Variants in METTL5 observed in about 807,000 individuals in gnomAD.
METTL5 encodes rRNA N(6)-adenosine-methyltransferase METTL5.
Under a neutral mutation model 26.5 loss-of-function variants are expected in METTL5, and 28 were observed. That is an observed-to-expected ratio of 1.06 (90% CI 0.78 to 1.45). The LOEUF (loss-of-function observed/expected upper bound fraction) is 1.45. METTL5 is among the 40% of genes most tolerant of loss of function. METTL5 has a pLI of 0.00. For missense variants in METTL5, 231 were observed against 249.9 expected, an observed-to-expected ratio of 0.92 and a Z score of 0.51; for synonymous variants, 86 against 82.6, an observed-to-expected ratio of 1.04 and a Z score of -0.22.
chr2:169,824,397 C>T, intron 1 of METTL5, 92 bp downstream of exon 1: 2 of 1,032,810 alleles, frequency 1.9e-6, no homozygotes, highest in Non-Finnish European at 3.0e-6. Context: ...TTTCTCTAGA[C>T]ATTCTCTGTA....
intron 4 of METTL5, among the ~76,000 whole-genome samples, chr2:169,818,960 CA>C (rs2081546302): frequency 6.6e-6 from 1 of 152,142 alleles, no homozygotes; most frequent in Non-Finnish European, 1.5e-5. Flanking sequence ...ACCAAGAAAA[CA>C]GCTGGGAGGC....
At chr2:169,821,352 T>G in intron 2 of METTL5, 79 bp from the exon 3 acceptor site, 1 of 1,064,244 alleles carries the variant, frequency 9.4e-7, no homozygotes, top group African/African-American at 1.6e-5. Context: ...GCTGTTTTTT[T>G]TTTAAACCAT....
At chr2:169,819,459 G>C (rs973062203) in intron 4 of METTL5, 102 bp downstream of exon 4, 1 of 802,242 alleles carries the variant, frequency 1.2e-6, no homozygotes, top group Non-Finnish European at 1.9e-6. Flanking sequence ...AAATGGTCAG[G>C]AGAAATAGAT....
chr2:169,816,632 A>G (rs2105715428), intron 4 of METTL5, among the ~76,000 whole-genome samples: 1 of 152,296 alleles, frequency 6.6e-6, no homozygotes, highest in Middle Eastern at 3.4e-3. Flanking sequence ...GAGGCCTCAG[A>G]AATAACACCA....
At chr2:169,817,845 C>G (rs1270662654) in intron 4 of METTL5, among the ~76,000 whole-genome samples, 1 of 152,078 alleles carries the variant, frequency 6.6e-6, no homozygotes, top group African/African-American at 2.4e-5. Context: ...AGCAAACCAA[C>G]ATGGCACATG....
chr2:169,812,025 ACT>A lies in METTL5; in HGVS notation c.592-169_592-168del, dbSNP rs985601423. On this transcript the variant is annotated intron_variant, in intron 6 of 6. Transcript: ENST00000260953. ...GTAATATGAGAATGTATTAGTACAA[ACT>A]AACTAATAAAATATATACTATATGA... 2.1e-5 allele frequency: 16 copies of A among 747,040 alleles called. No homozygotes were observed. In the African/African-American group the frequency reaches 2.8e-4, roughly 13 times the overall value. 46.3% of individuals were successfully genotyped at this position (747,040 alleles called of 1,614,324 possible).
chr2:169,821,294 C>A, intron 2 of METTL5, 21 bp from the exon 3 acceptor site: 1 of 1,530,314 alleles, frequency 6.5e-7, no homozygotes, highest in East Asian at 2.4e-5. Flanking sequence ...AAAACACATA[C>A]AAAGAGTGGC....
chr2:169,812,406 C>T, intron 6 of METTL5, 51 bp downstream of exon 6: 3 of 1,613,312 alleles, frequency 1.9e-6, no homozygotes, highest in Non-Finnish European at 2.5e-6. Context: ...ACATCCGGCC[C>T]AGAAAGCTTT....
At chr2:169,819,137 A>G (rs1263007490) in intron 4 of METTL5, among the ~76,000 whole-genome samples, 3 of 152,216 alleles carry the variant, frequency 2.0e-5, no homozygotes, top group Non-Finnish European at 4.4e-5. Flanking sequence ...AAGTAAGAAT[A>G]GGTGATTTCT....
intron 4 of METTL5, among the ~76,000 whole-genome samples, chr2:169,815,830 A>AT (rs1427932702): frequency 6.6e-6 from 1 of 152,226 alleles, no homozygotes; most frequent in African/African-American, 2.4e-5. Flanking sequence ...AAAATTATAA[A>AT]TGGAGCTGAA....
intron 5 of METTL5, among the ~76,000 whole-genome samples, chr2:169,815,039 G>A (rs1453622133): frequency 1.3e-5 from 2 of 151,942 alleles, no homozygotes; most frequent in Non-Finnish European, 2.9e-5. Context: ...TTACACGTGT[G>A]CGCCACCATG....
At position 169,812,496 on chromosome 2, in the gene METTL5, A is replaced by G; in HGVS notation, c.552T>C (p.Tyr184=). 6.2e-7 allele frequency: 1 copy of G among 1,613,796 alleles called. No individual in the cohort carries two copies. Among genetic ancestry groups the G allele is most frequent in the Non-Finnish European group, 8.5e-7 (1 of 1,179,924 alleles). The change falls in exon 6 of 7, where the codon TAT becomes TAC. Residue 184 remains tyrosine (Y), a synonymous_variant. Transcript: ENST00000260953. ...IKIDIIAELR[Y]DLPASYKFHK... ...GAAACTTGTATGATGCTGGCAGGTC[A>G]TATCGAAGTTCTGTAAAACAAAAGC...
At chr2:169,824,464 G>A (rs758429042) in intron 1 of METTL5, 25 bp downstream of exon 1, 20 of 1,531,996 alleles carry the variant, frequency 1.3e-5, no homozygotes, top group Non-Finnish European at 1.8e-5. Flanking sequence ...CCGAAAGCCG[G>A]GGCGTGGTGA....
intron 4 of METTL5, among the ~76,000 whole-genome samples, chr2:169,816,499 A>C (rs969778166): frequency 6.6e-6 from 1 of 152,230 alleles, no homozygotes; most frequent in Non-Finnish European, 1.5e-5. Flanking sequence ...GACAATCCTA[A>C]GCAAAAAGAA....
intron 5 of METTL5, among the ~76,000 whole-genome samples, chr2:169,813,653 A>G (rs56121565): frequency 0.66 from 99,501 of 150,890 alleles, 33,356 homozygotes; most frequent in Admixed American, 0.73. Flanking sequence ...TGAAGAGTTC[A>G]AGACCAGCCT....
chr2:169,812,878 T>A lies in METTL5; in HGVS notation c.542-372A>T, dbSNP rs73016465. The A allele has an allele frequency of 4.3e-3, 715 of 164,816 alleles. 1 individual carries two copies. Among genetic ancestry groups the A allele is most frequent in the African/African-American group, 0.016 (651 of 41,808 alleles). 10.2% of individuals were successfully genotyped at this position (164,816 alleles called of 1,614,324 possible). Reference sequence around the variant, plus strand: ...TTTCAAAATTTTCTTACCCAGAGTTTAATAATGGTACTAAGTACCCATTTT... The same window carrying A: ...TTTCAAAATTTTCTTACCCAGAGTTAAATAATGGTACTAAGTACCCATTTT... On this transcript the variant is annotated intron_variant, in intron 5 of 6. Transcript: ENST00000260953.
intron 5 of METTL5, among the ~76,000 whole-genome samples, chr2:169,813,878 A>C (rs528438798): frequency 6.6e-6 from 1 of 152,062 alleles, no homozygotes; most frequent in South Asian, 2.1e-4. Flanking sequence ...ACAACAAAAA[A>C]ACACCCCTAC....
rs1248648339 is a variant in METTL5 at position 169,824,482 on chromosome 2, G to C, written c.109+7C>G. 1.2e-6 allele frequency: 2 copies of C among 1,608,794 alleles called. No individual in the cohort carries two copies. Among genetic ancestry groups the C allele is most frequent in the Non-Finnish European group, 1.7e-6 (2 of 1,175,282 alleles). On this transcript the variant is annotated splice_region_variant and intron_variant, in intron 1 of 6. Coordinates refer to ENST00000260953, the MANE Select transcript of METTL5 (RefSeq NM_014168.4). ...AAAGCCGGGGCGTGGTGAACCAGCCGCCCTACCTGCAATGTGCGGCCTGGT... is the reference window on the plus strand; with the variant it reads ...AAAGCCGGGGCGTGGTGAACCAGCCCCCCTACCTGCAATGTGCGGCCTGGT...
At chr2:169,815,998 A>T (rs2081500929) in intron 4 of METTL5, among the ~76,000 whole-genome samples, 1 of 152,180 alleles carries the variant, frequency 6.6e-6, no homozygotes, top group African/African-American at 2.4e-5. Context: ...TAGCCTAGGA[A>T]CAACAGACTA....
Sources: gnomAD v4.1 joint callset for allele counts (sites outside exome capture counted in the v4.1 genomes callset) on GRCh38, gnomAD v4.1.1 for gene constraint, MANE v1.5 for transcripts, NCBI Gene and HGNC (gene_info 2026-07-23, HGNC 2026-07-21) for gene names.